The following CALN1 variants were observed in gnomAD, a reference collection of about 807,000 sequenced individuals.
CALN1 encodes the protein calcium-binding protein 8.
Under a neutral mutation model 30.6 loss-of-function variants are expected in CALN1, and 17 were observed. That is an observed-to-expected ratio of 0.56 (90% confidence interval 0.38 to 0.83). The LOEUF (loss-of-function observed/expected upper bound fraction) is 0.83. Among genes scored for constraint, CALN1 ranks in the 40% least tolerant of loss-of-function variants. CALN1 has a pLI of 0.00. For synonymous variants in CALN1, 156 were observed against 131.4 expected, an observed-to-expected ratio of 1.19 and a Z score of -1.28; for missense variants, 291 against 354.9, an observed-to-expected ratio of 0.82 and a Z score of 1.45.
intron 4 of CALN1, among the ~76,000 whole-genome samples, chr7:72,100,820 A>AC (rs1806604832): frequency 9.9e-6 from 1 of 101,252 alleles, no homozygotes; most frequent in Non-Finnish European, 1.9e-5. Context: ...ACTCCGTCTC[A>AC]CAAAAAAAAA....
intron 5 of CALN1, among the ~76,000 whole-genome samples, chr7:72,004,685 G>GAGCAAAACAA (rs373172534): frequency 6.6e-6 from 1 of 150,988 alleles, no homozygotes; most frequent in African/African-American, 2.4e-5. Context: ...CAAAACTCAA[G>GAGCAAAACAA]AACAAAACAA....
intron 2 of CALN1, chr7:72,336,816 G>A (rs997743482): frequency 1.3e-5 from 13 of 984,952 alleles, no homozygotes; most frequent in East Asian, 2.3e-4. Flanking sequence ...TGCGCCGAGC[G>A]GGCAGCGCTC....
chr7:72,499,481 T>C, the CALN1 span, among the ~76,000 whole-genome samples: 1 of 152,294 alleles, frequency 6.6e-6, no homozygotes, highest in African/African-American at 2.4e-5. Context: ...TTATGATACA[T>C]AAATAAGGCA....
intron 3 of CALN1, among the ~76,000 whole-genome samples, chr7:72,182,235 T>C (rs1562700787): frequency 6.6e-6 from 1 of 152,132 alleles, no homozygotes; most frequent in Admixed American, 6.5e-5. Flanking sequence ...CAGTGTGTCC[T>C]GTATCTGTGC....
intron 3 of CALN1, among the ~76,000 whole-genome samples, chr7:72,275,915 C>T (rs536531106): frequency 2.6e-5 from 4 of 152,226 alleles, no homozygotes; most frequent in African/African-American, 9.6e-5. Flanking sequence ...TCTTGAAAAG[C>T]CATGCACCCC....
intron 3 of CALN1, among the ~76,000 whole-genome samples, chr7:72,242,431 G>A (rs1035509765): frequency 6.6e-6 from 1 of 152,142 alleles, no homozygotes; most frequent in African/African-American, 2.4e-5. Context: ...TTGGGAGTAA[G>A]AGAGAACAAC....
At chr7:72,085,712 T>C (rs1805441749) in intron 4 of CALN1, among the ~76,000 whole-genome samples, 1 of 152,222 alleles carries the variant, frequency 6.6e-6, no homozygotes, top group African/African-American at 2.4e-5. Context: ...TACTGCTGTT[T>C]ATAATTGTCA....
intron 2 of CALN1, among the ~76,000 whole-genome samples, chr7:72,284,628 T>A (rs924026032): frequency 1.1e-4 from 17 of 152,226 alleles, no homozygotes; most frequent in Non-Finnish European, 1.5e-5. Context: ...GTCTTAATTC[T>A]GCCACTGAAC....
At chr7:71,919,202 T>C (rs535884647) in intron 5 of CALN1, among the ~76,000 whole-genome samples, 12 of 152,350 alleles carry the variant, frequency 7.9e-5, no homozygotes, top group African/African-American at 2.9e-4. Flanking sequence ...AGATTCATCA[T>C]CTTTAAATGC....
chr7:72,452,392 G>A, the CALN1 span, among the ~76,000 whole-genome samples: 49 of 152,150 alleles, frequency 3.2e-4, no homozygotes, highest in Admixed American at 1.2e-3. Flanking sequence ...CTTATGGATG[G>A]CTTGGCACCC....
At chr7:72,362,730 G>C (rs1360051763) in intron 2 of CALN1, among the ~76,000 whole-genome samples, 1 of 152,068 alleles carries the variant, frequency 6.6e-6, no homozygotes, top group East Asian at 1.9e-4. Context: ...TTGTCCTGGG[G>C]ACTCTCCCCC....
intron 5 of CALN1, among the ~76,000 whole-genome samples, chr7:71,931,614 A>G (rs1795557541): frequency 6.6e-6 from 1 of 152,178 alleles, no homozygotes; most frequent in Admixed American, 6.5e-5. Context: ...AGTGAGTTAG[A>G]TTTGGCTGAT....
chr7:71,908,878 T>C (rs751247481), intron 5 of CALN1, among the ~76,000 whole-genome samples: 5 of 152,218 alleles, frequency 3.3e-5, no homozygotes, highest in Admixed American at 6.5e-5. Context: ...CTTAATCTTC[T>C]ATCCAGGGAT....
chr7:71,835,464 T>C (rs1789548504), intron 5 of CALN1, among the ~76,000 whole-genome samples: 1 of 152,186 alleles, frequency 6.6e-6, no homozygotes, highest in Admixed American at 6.5e-5. Flanking sequence ...CTCTCCCTTT[T>C]AATAAACAGA....
intron 2 of CALN1, among the ~76,000 whole-genome samples, chr7:72,384,849 A>C (rs1805116154): frequency 6.6e-6 from 1 of 152,190 alleles, no homozygotes; most frequent in South Asian, 2.1e-4. Context: ...AGATACTTTT[A>C]AGAGAATGAA....
chr7:72,178,540 T>A (rs1348471276), intron 3 of CALN1, among the ~76,000 whole-genome samples: 2 of 151,864 alleles, frequency 1.3e-5, no homozygotes, highest in Non-Finnish European at 2.9e-5. Context: ...AAGACAAAAA[T>A]TAGCCAGGCG....
intron 5 of CALN1, among the ~76,000 whole-genome samples, chr7:71,937,193 G>C (rs1323366912): frequency 6.6e-6 from 1 of 150,382 alleles, no homozygotes; most frequent in African/African-American, 2.4e-5. Context: ...TGTAAACCCA[G>C]CTCCTTGGGA....
intron 5 of CALN1, among the ~76,000 whole-genome samples, chr7:71,882,489 T>C (rs553453979): frequency 7.2e-5 from 11 of 152,318 alleles, no homozygotes; most frequent in Non-Finnish European, 1.2e-4. Flanking sequence ...CCACCACACC[T>C]GCTTAAATTA....
intron 2 of CALN1, among the ~76,000 whole-genome samples, chr7:72,361,016 C>T (rs1803538014): frequency 6.6e-6 from 1 of 152,036 alleles, no homozygotes; most frequent in Non-Finnish European, 1.5e-5. Flanking sequence ...CATGAGCCAC[C>T]GCACACAGCC....
Sources: allele counts gnomAD v4.1 joint callset (sites outside exome capture counted in the v4.1 genomes callset), GRCh38; gene constraint gnomAD v4.1.1; transcripts MANE v1.5; gene names NCBI Gene and HGNC (gene_info 2026-07-23, HGNC 2026-07-21).